The following MAP2K6 variants were observed in gnomAD, a reference collection of about 807,000 sequenced individuals.
MAP2K6 encodes dual specificity mitogen-activated protein kinase kinase 6.
MAP2K6 carries 16 observed loss-of-function variants against 53.7 expected under a neutral mutation model. That is an observed-to-expected ratio of 0.30 (90% CI 0.20 to 0.45). The LOEUF is 0.45. Ranked by LOEUF, MAP2K6 falls within the 20% of genes least tolerant of loss-of-function variation. MAP2K6 has a pLI of 1.00. For missense variants in MAP2K6, 204 were observed against 411.9 expected (o/e 0.50, Z 4.37); for synonymous variants, 132 against 143.1 (o/e 0.92, Z 0.55).
intron 1 of MAP2K6, among the ~76,000 whole-genome samples, chr17:69,440,200 A>T (rs1302494490): frequency 3.2e-4 from 48 of 152,108 alleles, no homozygotes. Flanking sequence ...GGCACCTACC[A>T]CCACACCTGG....
rs148781444 is a variant in MAP2K6 at position 69,537,346 on chromosome 17, G to A, written c.927+1186G>A. On this transcript the variant is annotated intron_variant, in intron 11 of 11. Transcript: ENST00000590474. ...TTTTAGCAGGGGAAGGAAGAGTTAC[G>A]TTCATGCACAATTTCAAAAGCAATA... Among the ~76,000 whole-genome samples, 403 of 152,256 alleles carry A rather than the reference G, an allele frequency of 2.6e-3. 5 individuals carry two copies. The highest frequency in any genetic ancestry group is 9.2e-3 in the African/African-American group (383 of 41,532).
intron 1 of MAP2K6, among the ~76,000 whole-genome samples, chr17:69,470,848 C>A (rs1405803435): frequency 6.6e-6 from 1 of 152,130 alleles, no homozygotes; most frequent in Non-Finnish European, 1.5e-5. Context: ...ATGGCCTTTA[C>A]CAGAATGCCT....
chr17:69,520,072 C>T lies in MAP2K6; in HGVS notation c.367-198C>T, dbSNP rs1391329233. The T allele has an allele frequency of 1.1e-5, 6 of 535,782 alleles. No homozygotes were observed. In the East Asian group the frequency reaches 1.6e-4, roughly 15 times the overall value. The allele number at this position is 535,782 out of a possible 1,614,324, so 33.2% of individuals were successfully genotyped here. On this transcript the variant is annotated intron_variant, in intron 5 of 11. Coordinates refer to ENST00000590474, the MANE Select transcript of MAP2K6 (RefSeq NM_002758.4). ...GCACATGCAGGTTCTGCTTGGCTAC[C>T]TACTGGTTTGCTCTTTGTAGATAAC...
chr17:69,433,165 C>G (rs1906521815), intron 1 of MAP2K6: 1 of 152,264 alleles, frequency 6.6e-6, no homozygotes, highest in Non-Finnish European at 1.5e-5. Flanking sequence ...ACTTCAGAAT[C>G]ATGGAATATT....
chr17:69,503,090 AGG>A (rs375297494), intron 1 of MAP2K6, among the ~76,000 whole-genome samples: 71 of 152,352 alleles, frequency 4.7e-4, no homozygotes, highest in African/African-American at 1.7e-3. Flanking sequence ...CAGTTTTCAT[AGG>A]CAAAATATAT....
chr17:69,502,190 C>CA (rs1455125967), intron 1 of MAP2K6: 6 of 985,364 alleles, frequency 6.1e-6, no homozygotes, highest in Non-Finnish European at 7.2e-6. Context: ...CCTGAAGCTG[C>CA]AATTTCCTCG....
At chr17:69,477,834 A>G (rs1908205011) in intron 1 of MAP2K6, among the ~76,000 whole-genome samples, 1 of 152,226 alleles carries the variant, frequency 6.6e-6, no homozygotes, top group African/African-American at 2.4e-5. Context: ...GACTATGCAA[A>G]GCAGCAGATG....
rs143304101 is a variant in MAP2K6 at position 69,418,280 on chromosome 17, AG to A, written c.16+3284del. Among the ~76,000 whole-genome samples the A allele has an allele frequency of 8.2e-3, 1,248 of 152,290 alleles. 20 individuals carry two copies. The highest frequency in any genetic ancestry group is 0.029 in the African/African-American group (1,200 of 41,556). On this transcript the variant is annotated intron_variant, in intron 1 of 11. Transcript: ENST00000590474. ...CGGCCTGTTAACTGTAGGGGGCTTC[AG>A]GGGTCTCTGGTTGGTAAATTTAATG... is the stretch of plus-strand genomic sequence containing the variant.
At chr17:69,499,819 G>T (rs1171786841) in intron 1 of MAP2K6, among the ~76,000 whole-genome samples, 1 of 152,198 alleles carries the variant, frequency 6.6e-6, no homozygotes, top group Non-Finnish European at 1.5e-5. Context: ...GTGGAAGATG[G>T]TCGTGGAGAT....
Position 69,494,498 on chromosome 17 carries a change from T to TA in MAP2K6, c.17-11271dup, listed in dbSNP as rs112816191. Among the ~76,000 whole-genome samples the TA allele has an allele frequency of 0.032, 4,574 of 143,064 alleles. 240 individuals are homozygous for TA. The highest frequency in any genetic ancestry group is 0.11 in the African/African-American group (4,240 of 39,362). The allele number at this position is 143,064 out of a possible 152,430, so 93.9% of individuals were successfully genotyped here. ...GGGTGACAAAGTGAGACTCTGTCTT[T>TA]AAAAAAAAAAAGAAAGGAAAAAACA... is the stretch of plus-strand genomic sequence containing the variant. On this transcript the variant is annotated intron_variant, in intron 1 of 11. Coordinates refer to ENST00000590474, the MANE Select transcript of MAP2K6 (RefSeq NM_002758.4). The surrounding 1 kb of genome is among the most constrained non-coding windows in gnomAD (Gnocchi z 4.2).
chr17:69,461,105 C>G (rs1044965889), intron 1 of MAP2K6, among the ~76,000 whole-genome samples: 1 of 152,190 alleles, frequency 6.6e-6, no homozygotes, highest in African/African-American at 2.4e-5. Context: ...AGTCCTTTTT[C>G]TACTATAAAA....
chr17:69,542,658 A>C lies in MAP2K6; in HGVS notation c.*905A>C, dbSNP rs192805000. 1 of 152,192 alleles carries C rather than the reference A, an allele frequency of 6.6e-6. No individual in the cohort carries two copies. Among genetic ancestry groups the C allele is most frequent in the South Asian group, 2.1e-4 (1 of 4,834 alleles). 9.4% of individuals were successfully genotyped at this position (152,192 alleles called of 1,614,324 possible). On this transcript the variant is annotated 3_prime_UTR_variant, in exon 12 of 12. Transcript: ENST00000590474. The stretch of plus-strand genomic sequence containing the variant: ...TCACAAGTCCTGCCAAGTGGTTTCT[A>C]TGAGCATCTCTGTTTGGTAAGGAGG...
intron 1 of MAP2K6, among the ~76,000 whole-genome samples, chr17:69,476,113 C>T (rs1908141228): frequency 1.3e-5 from 2 of 152,086 alleles, no homozygotes; most frequent in Admixed American, 6.5e-5. Flanking sequence ...CAAGTGAATG[C>T]ATATATGTGT....
intron 10 of MAP2K6, among the ~76,000 whole-genome samples, chr17:69,530,642 C>T (rs1911034781): frequency 6.6e-6 from 1 of 152,102 alleles, no homozygotes; most frequent in South Asian, 2.1e-4. Flanking sequence ...ACTTTTTTTC[C>T]CTGCCACAAA....
At chr17:69,502,324 G>T (rs1909211007) in intron 1 of MAP2K6, 22 of 985,418 alleles carry the variant, frequency 2.2e-5, no homozygotes, top group Non-Finnish European at 2.7e-5. Context: ...CTTCTGTTAG[G>T]TTTTCCTCTG....
chr17:69,478,089 A>T (rs1442835757), intron 1 of MAP2K6, among the ~76,000 whole-genome samples: 1 of 152,216 alleles, frequency 6.6e-6, no homozygotes, highest in Non-Finnish European at 1.5e-5. Flanking sequence ...CGGGACTTCC[A>T]TTTGAGTGCC....
At chr17:69,476,158 A>C (rs576532736) in intron 1 of MAP2K6, among the ~76,000 whole-genome samples, 119 of 152,320 alleles carry the variant, frequency 7.8e-4, no homozygotes, top group Non-Finnish European at 1.6e-3. Context: ...GTATATTTAT[A>C]AATATGTGTG....
intron 1 of MAP2K6, chr17:69,435,246 T>C (rs1906598776): frequency 6.6e-6 from 1 of 152,064 alleles, no homozygotes; most frequent in South Asian, 2.1e-4. Flanking sequence ...TGAATAAGAA[T>C]TGTAAATGCG....
chr17:69,420,441 A>C (rs1728156892), intron 1 of MAP2K6, among the ~76,000 whole-genome samples: 1 of 152,246 alleles, frequency 6.6e-6, no homozygotes, highest in African/African-American at 2.4e-5. Flanking sequence ...GTTAAGAATC[A>C]ATTTTAATGA....
Sources: gnomAD v4.1 joint callset for allele counts (sites outside exome capture counted in the v4.1 genomes callset) on GRCh38, gnomAD v4.1.1 for gene constraint, Gnocchi (gnomAD v3.1) non-coding constraint, MANE v1.5 for transcripts, NCBI Gene and HGNC (gene_info 2026-07-23, HGNC 2026-07-21) for gene names.